The following GLI3 variants were observed in gnomAD, a reference collection of about 807,000 sequenced individuals.
GLI3 encodes the protein transcription activator GLI3.
GLI3 carries 20 observed loss-of-function variants against 100.8 expected under a neutral mutation model. That is an observed-to-expected ratio of 0.20 (90% CI 0.14 to 0.29). GLI3 has a LOEUF of 0.29. Ranked by LOEUF, GLI3 falls within the 10% of genes least tolerant of loss-of-function variation. The pLI, the probability that GLI3 is intolerant of heterozygous loss-of-function variation, is 1.00. For missense variants in GLI3, 2,040 were observed against 2,128.5 expected, an observed-to-expected ratio of 0.96 and a Z score of 0.82; for synonymous variants, 938 against 860.5, an observed-to-expected ratio of 1.09 and a Z score of -1.58.
intron 6 of GLI3, among the ~76,000 whole-genome samples, chr7:42,045,046 C>T (rs1784217191): frequency 3.3e-5 from 5 of 152,160 alleles, no homozygotes; most frequent in Admixed American, 2.6e-4. Flanking sequence ...TGCCACTACA[C>T]CCAGCTAATT....
chr7:42,142,420 C>A (rs1326218539), intron 3 of GLI3, among the ~76,000 whole-genome samples: 1 of 152,168 alleles, frequency 6.6e-6, no homozygotes, highest in African/African-American at 2.4e-5. Flanking sequence ...CTCTCTTGGT[C>A]TTTTCTTTCT....
chr7:42,022,777 G>A (rs933575328), intron 10 of GLI3, among the ~76,000 whole-genome samples: 3 of 152,178 alleles, frequency 2.0e-5, no homozygotes, highest in Non-Finnish European at 2.9e-5. Context: ...GCATGGGGTG[G>A]GGAGAAGGCT....
Position 42,048,116 on chromosome 7 carries a change from C to T in GLI3, c.679+375G>A, listed in dbSNP as rs891498862. Among the ~76,000 whole-genome samples the T allele has an allele frequency of 5.3e-5, 8 of 152,180 alleles. No individual in the cohort carries two copies. In the South Asian group the frequency reaches 6.2e-4, roughly 12 times the overall value. On this transcript the variant is annotated intron_variant, in intron 5 of 14. Coordinates refer to ENST00000395925, the MANE Select transcript of GLI3 (RefSeq NM_000168.6). ...GTAAAACACTCATGTTACACATGCA[C>T]GTGTGTGAATGGCTACAGGACCAGT... is the stretch of plus-strand genomic sequence containing the variant.
chr7:42,027,187 C>T (rs977198388), intron 7 of GLI3, among the ~76,000 whole-genome samples: 1 of 152,106 alleles, frequency 6.6e-6, no homozygotes, highest in Non-Finnish European at 1.5e-5. Flanking sequence ...AGTGATAATA[C>T]CTAAAGATTT....
chr7:42,085,155 A>C (rs935445804), intron 3 of GLI3, among the ~76,000 whole-genome samples: 2 of 152,036 alleles, frequency 1.3e-5, no homozygotes, highest in Non-Finnish European at 2.9e-5. Context: ...ATGAAAGCAG[A>C]AGAGGAAATG....
chr7:42,076,662 C>T, intron 4 of GLI3, 90 bp downstream of exon 4: 1 of 825,480 alleles, frequency 1.2e-6, no homozygotes, highest in East Asian at 2.4e-5. Context: ...TCTTCAAAGC[C>T]CAGTGGACAT....
chr7:42,004,571 TA>T (rs1562680512), intron 10 of GLI3, among the ~76,000 whole-genome samples: 1 of 140,342 alleles, frequency 7.1e-6, no homozygotes. Context: ...AAATATGAGG[TA>T]AATCAAGGTA....
intron 1 of GLI3, among the ~76,000 whole-genome samples, chr7:42,245,972 A>C (rs2128709684): frequency 6.6e-6 from 1 of 152,132 alleles, no homozygotes; most frequent in African/African-American, 2.4e-5. Context: ...TATTCTTCTC[A>C]AATAGAAACT....
At chr7:42,061,169 G>A (rs1784560816) in intron 4 of GLI3, among the ~76,000 whole-genome samples, 2 of 152,140 alleles carry the variant, frequency 1.3e-5, no homozygotes, top group South Asian at 4.1e-4. Context: ...TTTAATCCTT[G>A]CTTAATCTTG....
At chr7:42,191,977 T>C (rs559415992) in intron 2 of GLI3, among the ~76,000 whole-genome samples, 1 of 151,120 alleles carries the variant, frequency 6.6e-6, no homozygotes, top group South Asian at 2.1e-4. Flanking sequence ...AACCAAACAA[T>C]AGCCAAGAAA....
intron 4 of GLI3, among the ~76,000 whole-genome samples, chr7:42,073,555 C>A (rs535068207): frequency 3.3e-5 from 5 of 152,196 alleles, no homozygotes; most frequent in African/African-American, 9.6e-5. Flanking sequence ...ATCGTTGATG[C>A]CTTAATATAG....
intron 11 of GLI3, 24 bp downstream of exon 11, chr7:41,978,575 C>T (rs1359472287): frequency 2.5e-6 from 4 of 1,610,928 alleles, no homozygotes; most frequent in Non-Finnish European, 3.4e-6. Flanking sequence ...CCCAAGTGTG[C>T]CTGCCACCCA....
At chr7:42,253,162 G>A (rs1789050965) in intron 1 of GLI3, among the ~76,000 whole-genome samples, 1 of 152,202 alleles carries the variant, frequency 6.6e-6, no homozygotes, top group Non-Finnish European at 1.5e-5. Context: ...CCAGACAGAT[G>A]TATTCAATTA....
chr7:42,178,150 C>T (rs1416395401), intron 2 of GLI3, among the ~76,000 whole-genome samples: 1 of 152,208 alleles, frequency 6.6e-6, no homozygotes, highest in East Asian at 1.9e-4. Flanking sequence ...CGGCCAAAAG[C>T]AGCACACAAC....
At chr7:42,048,248 T>C (rs575952680) in intron 5 of GLI3, among the ~76,000 whole-genome samples, 22 of 152,118 alleles carry the variant, frequency 1.4e-4, no homozygotes, top group Non-Finnish European at 2.6e-4. Context: ...AGCCATGGGA[T>C]TGACTGCGTT....
At chr7:42,243,786 G>C (rs887300907) in intron 1 of GLI3, among the ~76,000 whole-genome samples, 3 of 152,130 alleles carry the variant, frequency 2.0e-5, no homozygotes, top group Non-Finnish European at 4.4e-5. Flanking sequence ...TTATGTCTGT[G>C]CTCTGCCTCA....
chr7:42,079,890 A>C (rs1197440865), intron 3 of GLI3, among the ~76,000 whole-genome samples: 1 of 152,202 alleles, frequency 6.6e-6, no homozygotes, highest in Non-Finnish European at 1.5e-5. Flanking sequence ...CATTTAATAT[A>C]TGCCTCATAT....
chr7:42,055,244 A>G (rs1784435959), intron 4 of GLI3, among the ~76,000 whole-genome samples: 1 of 151,802 alleles, frequency 6.6e-6, no homozygotes, highest in Non-Finnish European at 1.5e-5. Flanking sequence ...TTTTCCCTCT[A>G]TGCAAGGTAA....
At chr7:42,026,444 C>G (rs1190201427) in intron 7 of GLI3, 32 bp from the exon 8 acceptor site, 2 of 1,501,112 alleles carry the variant, frequency 1.3e-6, no homozygotes, top group Non-Finnish European at 9.3e-7. Flanking sequence ...AGACGATCAT[C>G]ACTTAAACGC....
Sources: allele counts gnomAD v4.1 joint callset (sites outside exome capture counted in the v4.1 genomes callset), GRCh38; gene constraint gnomAD v4.1.1; transcripts MANE v1.5; gene names NCBI Gene and HGNC (gene_info 2026-07-23, HGNC 2026-07-21).